The following DNMBP variants were observed in gnomAD, a reference collection of about 807,000 sequenced individuals.
DNMBP encodes the protein dynamin binding protein.
DNMBP carries 87 observed loss-of-function variants against 150.0 expected under a neutral mutation model. That is an observed-to-expected ratio of 0.58 (90% CI 0.49 to 0.69). The LOEUF (loss-of-function observed/expected upper bound fraction) is 0.69. Among genes scored for constraint, DNMBP ranks in the 30% least tolerant of loss-of-function variants. DNMBP has a pLI of 0.00. For missense variants in DNMBP, 1,774 were observed against 1,949.0 expected (o/e 0.91, Z 1.69); for synonymous variants, 711 against 750.4 (o/e 0.95, Z 0.86).
intron 12 of DNMBP, among the ~76,000 whole-genome samples, chr10:99,887,949 C>T (rs1471046431): frequency 4.0e-5 from 6 of 151,724 alleles, no homozygotes; most frequent in South Asian, 2.1e-4. Flanking sequence ...CTCAGCCTCC[C>T]GAGTAGCTGG....
Position 99,955,624 on chromosome 10 carries a change from G to A in DNMBP, c.1850C>T (p.Thr617Ile), listed in dbSNP as rs1398920530. The change falls in exon 4 of 17, where the codon ACT becomes ATT. Residue 617 changes from threonine to isoleucine, a missense_variant. Coordinates refer to ENST00000324109, the MANE Select transcript of DNMBP (RefSeq NM_015221.4). Reference protein sequence around the residue: ...ALRPPPPRPCTPVSTSPHLLV... With the variant: ...ALRPPPPRPCIPVSTSPHLLV... ...CAAATGGGGAGAAGTGGATACCGGA[G>A]TACAGGGACGAGGTGGCGGTGGCCT... 1 of 1,614,238 alleles carries A rather than the reference G, an allele frequency of 6.2e-7. No homozygotes were observed. The highest frequency in any genetic ancestry group is 1.7e-5 in the Admixed American group (1 of 60,028).
At chr10:99,939,007 T>C (rs2133301180) in intron 4 of DNMBP, among the ~76,000 whole-genome samples, 1 of 151,698 alleles carries the variant, frequency 6.6e-6, no homozygotes, top group South Asian at 2.1e-4. Flanking sequence ...ATGCCCAGAG[T>C]GGATAGACTG....
intron 1 of DNMBP, among the ~76,000 whole-genome samples, chr10:99,980,170 T>G (rs1210564327): frequency 1.3e-5 from 2 of 152,064 alleles, no homozygotes; most frequent in East Asian, 3.9e-4. Flanking sequence ...TAGAGCTGGG[T>G]GCGGTGGCTC....
chr10:99,893,303 A>ATGAT (rs1376067561), intron 11 of DNMBP, among the ~76,000 whole-genome samples: 4 of 152,214 alleles, frequency 2.6e-5, no homozygotes, highest in Non-Finnish European at 5.9e-5. Context: ...AGATCAGAAA[A>ATGAT]TGATGTATCC....
chr10:99,946,366 T>C (rs1296822083), intron 4 of DNMBP, among the ~76,000 whole-genome samples: 1 of 152,164 alleles, frequency 6.6e-6, no homozygotes, highest in East Asian at 1.9e-4. Context: ...ATCAACACTA[T>C]CAGATAGAGC....
intron 4 of DNMBP, among the ~76,000 whole-genome samples, chr10:99,950,274 C>T (rs916127923): frequency 9.2e-5 from 14 of 152,280 alleles, no homozygotes; most frequent in African/African-American, 3.1e-4. Context: ...ACATGTGGAA[C>T]GATAAGTCCA....
intron 6 of DNMBP, among the ~76,000 whole-genome samples, chr10:99,906,154 CCT>C (rs753045760): frequency 1.7e-4 from 26 of 152,100 alleles, no homozygotes; most frequent in Non-Finnish European, 3.5e-4. Flanking sequence ...TGATTTTTTT[CCT>C]GTGTCCGTTT....
chr10:99,925,551 G>A (rs893011431), intron 4 of DNMBP, among the ~76,000 whole-genome samples: 1 of 152,054 alleles, frequency 6.6e-6, no homozygotes, highest in Non-Finnish European at 1.5e-5. Context: ...GAGTAGCTGG[G>A]ACTACAGGCG....
At chr10:99,926,308 G>A (rs1051752542) in intron 4 of DNMBP, among the ~76,000 whole-genome samples, 4 of 152,008 alleles carry the variant, frequency 2.6e-5, no homozygotes, top group African/African-American at 4.8e-5. Flanking sequence ...TTCTAGAGAT[G>A]TGGTCTCACT....
At chr10:99,964,299 A>ATGC in intron 3 of DNMBP, among the ~76,000 whole-genome samples, 1 of 151,490 alleles carries the variant, frequency 6.6e-6, no homozygotes, top group South Asian at 2.1e-4. Flanking sequence ...GCCTGCCACC[A>ATGC]TGCTGGTAGT....
intron 4 of DNMBP, among the ~76,000 whole-genome samples, chr10:99,911,190 G>A (rs2039894672): frequency 6.6e-6 from 1 of 152,012 alleles, no homozygotes; most frequent in Middle Eastern, 3.2e-3. Flanking sequence ...GCAGTAAGCT[G>A]AGATTATGCC....
chr10:99,881,387 C>T (rs1204728242), intron 15 of DNMBP, among the ~76,000 whole-genome samples: 2 of 152,184 alleles, frequency 1.3e-5, no homozygotes, highest in East Asian at 1.9e-4. Context: ...GTGTACTGCA[C>T]ATGGTTCACT....
At chr10:99,911,350 A>G (rs886724282) in intron 4 of DNMBP, among the ~76,000 whole-genome samples, 3 of 152,082 alleles carry the variant, frequency 2.0e-5, no homozygotes, top group Admixed American at 2.0e-4. Context: ...GTGAAACCCC[A>G]TCTCTACTAA....
intron 15 of DNMBP, among the ~76,000 whole-genome samples, chr10:99,882,451 A>C (rs2039383451): frequency 6.6e-6 from 1 of 152,208 alleles, no homozygotes; most frequent in African/African-American, 2.4e-5. Flanking sequence ...GGGCATGGTC[A>C]CGCATGCCTC....
chr10:99,959,356 C>T lies in DNMBP; in HGVS notation c.269-2151G>A, dbSNP rs1232336462. On this transcript the variant is annotated intron_variant, in intron 3 of 16. Coordinates refer to ENST00000324109, the MANE Select transcript of DNMBP (RefSeq NM_015221.4). ...CAATAATTAGCCAGGTGTGGTGGTGCCCACCTGTGGTCACAGATACTTGGA... is the reference window on the plus strand; with the variant it reads ...CAATAATTAGCCAGGTGTGGTGGTGTCCACCTGTGGTCACAGATACTTGGA... Among the ~76,000 whole-genome samples, 7 of 151,766 alleles carry T rather than the reference C, an allele frequency of 4.6e-5. No homozygotes were observed. The East Asian group carries it at 1.4e-3, about 29-fold the overall frequency.
At chr10:99,984,373 GACATGT>G (rs2040808980) in intron 1 of DNMBP, among the ~76,000 whole-genome samples, 1 of 152,118 alleles carries the variant, frequency 6.6e-6, no homozygotes, top group Non-Finnish European at 1.5e-5. Flanking sequence ...AAATAAACTG[GACATGT>G]CAGAGCTAAG....
At chr10:99,923,968 C>T (rs1260888236) in intron 4 of DNMBP, among the ~76,000 whole-genome samples, 1 of 152,168 alleles carries the variant, frequency 6.6e-6, no homozygotes, top group Non-Finnish European at 1.5e-5. Flanking sequence ...GCCTGGCCAA[C>T]ATGGTGAAAC....
rs1589424478 is a variant in DNMBP, at chr10:99,930,594, T to C, written c.2261-21448A>G. ...ATCCCTTTTTCTGTAGGGCTGATGC[T>C]GTCCCTTGGCCCAGTACCTGGGATC... is the stretch of plus-strand genomic sequence containing the variant. On this transcript the variant is annotated intron_variant, in intron 4 of 16. Coordinates refer to ENST00000324109, the MANE Select transcript of DNMBP (RefSeq NM_015221.4). The C allele has an allele frequency of 1.8e-5, 13 of 702,880 alleles. No homozygotes were observed. In the East Asian group the frequency reaches 2.9e-4, roughly 16 times the overall value. The allele number at this position is 702,880 out of a possible 1,614,324, so 43.5% of individuals were successfully genotyped here.
At chr10:99,949,451 G>A (rs1262218580) in intron 4 of DNMBP, among the ~76,000 whole-genome samples, 1 of 152,114 alleles carries the variant, frequency 6.6e-6, no homozygotes, top group Admixed American at 6.6e-5. Flanking sequence ...AGTAATGCCT[G>A]GTGCTCAAAC....
Sources: allele counts gnomAD v4.1 joint callset (sites outside exome capture counted in the v4.1 genomes callset), GRCh38; gene constraint gnomAD v4.1.1; transcripts MANE v1.5; gene names NCBI Gene and HGNC (gene_info 2026-07-23, HGNC 2026-07-21).